Variants in GLIS1 observed in about 807,000 individuals in gnomAD.
The protein encoded by GLIS1 is zinc finger protein GLIS1.
Under a neutral mutation model 63.8 loss-of-function variants are expected in GLIS1, and 24 were observed. The ratio of observed to expected loss-of-function variants is 0.38; its 90% CI spans 0.27 to 0.53. GLIS1 has a LOEUF of 0.53. GLIS1 is among the 20% of genes least tolerant of loss of function. The pLI, the probability that GLIS1 is intolerant of heterozygous loss-of-function variation, is 0.85. For synonymous variants in GLIS1, 450 were observed against 482.5 expected (o/e 0.93, Z 0.88); for missense variants, 1,036 against 1,074.1 (o/e 0.96, Z 0.50).
chr1:53,547,630 C>G (rs1028703870), intron 4 of GLIS1, among the ~76,000 whole-genome samples: 1 of 152,270 alleles, frequency 6.6e-6, no homozygotes, highest in Non-Finnish European at 1.5e-5. Context: ...CAGGCCTACT[C>G]AAGCCTGGGA....
At chr1:53,567,574 C>CA (rs1390956837) in intron 4 of GLIS1, among the ~76,000 whole-genome samples, 1 of 152,196 alleles carries the variant, frequency 6.6e-6, no homozygotes, top group Non-Finnish European at 1.5e-5. Context: ...CAGGGCACAT[C>CA]AGAGACCTTC....
intron 2 of GLIS1, among the ~76,000 whole-genome samples, chr1:53,625,545 T>C (rs745484304): frequency 1.3e-5 from 2 of 152,200 alleles, no homozygotes; most frequent in Non-Finnish European, 2.9e-5. Context: ...CAAAAAACAT[T>C]GATTGCACAT....
intron 2 of GLIS1, among the ~76,000 whole-genome samples, chr1:53,608,972 A>G (rs1356315440): frequency 6.6e-6 from 1 of 152,176 alleles, no homozygotes; most frequent in East Asian, 1.9e-4. Context: ...AGAAAAGTCA[A>G]CTGGAGGACA....
At chr1:53,728,686 A>G (rs1303461019) in intron 2 of GLIS1, among the ~76,000 whole-genome samples, 1 of 152,262 alleles carries the variant, frequency 6.6e-6, no homozygotes, top group Non-Finnish European at 1.5e-5. Flanking sequence ...TGTTCCAAAA[A>G]TGATTTAAGG....
intron 2 of GLIS1, among the ~76,000 whole-genome samples, chr1:53,648,963 T>C (rs1421686725): frequency 6.6e-6 from 1 of 152,244 alleles, no homozygotes; most frequent in Admixed American, 6.5e-5. Context: ...TGTGTACTTT[T>C]CTATATACAG....
chr1:53,563,473 A>G (rs1012869651), intron 4 of GLIS1, among the ~76,000 whole-genome samples: 1 of 152,252 alleles, frequency 6.6e-6, no homozygotes, highest in Admixed American at 6.5e-5. Flanking sequence ...AACATTTTTA[A>G]TTTTTCAAAA....
chr1:53,711,165 C>G (rs559848766), intron 2 of GLIS1, among the ~76,000 whole-genome samples: 1 of 152,174 alleles, frequency 6.6e-6, no homozygotes, highest in African/African-American at 2.4e-5. Flanking sequence ...CCTTCGGACC[C>G]TCTACTTGAA....
intron 2 of GLIS1, among the ~76,000 whole-genome samples, chr1:53,601,014 C>T (rs12079404): frequency 0.8 from 122,393 of 152,134 alleles, 54,029 homozygotes; most frequent in Non-Finnish European, 0.99. Context: ...GCTCCTTCCC[C>T]TCTCTGGGCC....
chr1:53,663,586 C>T (rs1396112617), intron 2 of GLIS1, among the ~76,000 whole-genome samples: 3 of 152,236 alleles, frequency 2.0e-5, no homozygotes, highest in African/African-American at 4.8e-5. Context: ...TGCCTCATTG[C>T]CCTTCACGGC....
At chr1:53,552,026 C>T (rs1031449908) in intron 4 of GLIS1, among the ~76,000 whole-genome samples, 3 of 152,106 alleles carry the variant, frequency 2.0e-5, no homozygotes, top group African/African-American at 7.2e-5. Flanking sequence ...ACTCTGCAAC[C>T]ATACACATCC....
At chr1:53,556,926 G>A (rs573540610) in intron 4 of GLIS1, among the ~76,000 whole-genome samples, 1 of 151,186 alleles carries the variant, frequency 6.6e-6, no homozygotes, top group African/African-American at 2.4e-5. Context: ...GTGTGTGCAG[G>A]TGTACTGCAG....
rs745827457 is a variant in GLIS1, at chr1:53,594,147, G to A, written c.1281C>T (p.His427=). The A allele has an allele frequency of 3.1e-6, 5 of 1,613,436 alleles. No homozygotes were observed. The highest frequency in any genetic ancestry group is 1.7e-5 in the Admixed American group (1 of 60,006). Residue 427 remains histidine (H), a synonymous_variant, in exon 4 of 11, where the codon CAC becomes CAT. Coordinates refer to ENST00000628545, the MANE Select transcript of GLIS1 (RefSeq NM_001367484.1). ...GCTTCTCGCCCGAGTGCACTCGCAT[G>A]TGGATGAGCAGCTTGTAGCGGGCGT... The part of the protein sequence containing the change: ...PFNARYKLLI[H]MRVHSGEKPN...
chr1:53,608,445 C>T (rs557849318), intron 2 of GLIS1, among the ~76,000 whole-genome samples: 16 of 152,298 alleles, frequency 1.1e-4, no homozygotes, highest in African/African-American at 3.8e-4. Context: ...CTAGGATTCA[C>T]GCCCTCCTTT....
At chr1:53,638,628 G>C (rs61775445) in intron 2 of GLIS1, among the ~76,000 whole-genome samples, 18 of 152,182 alleles carry the variant, frequency 1.2e-4, no homozygotes, top group African/African-American at 4.3e-4. Context: ...AGACCCTGGC[G>C]TCTGGGGGCA....
At position 53,509,381 on chromosome 1, in the gene GLIS1, T is replaced by C. The variant is rs1032248176; in HGVS notation, c.2063-94A>G. On this transcript the variant is annotated intron_variant, in intron 9 of 10. Coordinates refer to ENST00000628545, the MANE Select transcript of GLIS1 (RefSeq NM_001367484.1). ...TTGCTGCACGCTCCACCTCCCGTGT[T>C]GTCCTGTCCAGGCATTGTGGGTGTG... 31 of 1,287,226 alleles carry C rather than the reference T, an allele frequency of 2.4e-5. No homozygotes were observed. In the African/African-American group the frequency reaches 4.4e-4, roughly 18 times the overall value. 79.7% of individuals were successfully genotyped at this position (1,287,226 alleles called of 1,614,324 possible).
intron 2 of GLIS1, among the ~76,000 whole-genome samples, chr1:53,733,658 T>A (rs1348781631): frequency 6.6e-6 from 1 of 152,214 alleles, no homozygotes; most frequent in Non-Finnish European, 1.5e-5. Context: ...ACATAACTCT[T>A]ATGACTGTAG....
intron 2 of GLIS1, among the ~76,000 whole-genome samples, chr1:53,654,382 G>A (rs1297873902): frequency 6.6e-6 from 1 of 152,172 alleles, no homozygotes; most frequent in Non-Finnish European, 1.5e-5. Context: ...CAGGTCGGGG[G>A]CCGGAACAGC....
intron 2 of GLIS1, among the ~76,000 whole-genome samples, chr1:53,615,101 A>G (rs563227154): frequency 2.6e-3 from 398 of 152,252 alleles, no homozygotes; most frequent in African/African-American, 9.4e-3. Flanking sequence ...CCTCTAACTC[A>G]GCACAGACCC....
intron 4 of GLIS1, among the ~76,000 whole-genome samples, chr1:53,544,010 G>A (rs1050390599): frequency 1.3e-5 from 2 of 152,206 alleles, no homozygotes; most frequent in African/African-American, 2.4e-5. Context: ...GGGGTGGCGG[G>A]AGGAGCCGTT....
Sources: gnomAD v4.1 joint callset for allele counts (sites outside exome capture counted in the v4.1 genomes callset) on GRCh38, gnomAD v4.1.1 for gene constraint, MANE v1.5 for transcripts, NCBI Gene and HGNC (gene_info 2026-07-23, HGNC 2026-07-21) for gene names.